EHMT2: variants seen among roughly 807,000 people sequenced by gnomAD.
EHMT2 encodes the protein histone-lysine N-methyltransferase EHMT2.
Under a neutral mutation model 143.3 loss-of-function variants are expected in EHMT2, and 59 were observed. The observed-to-expected ratio is 0.41, with a 90% confidence interval of 0.33 to 0.51. The LOEUF (loss-of-function observed/expected upper bound fraction) is 0.51. EHMT2 is among the 20% of genes least tolerant of loss of function. The pLI is 0.18. For missense variants in EHMT2, 1,174 were observed against 1,645.9 expected (o/e 0.71, Z 4.96); for synonymous variants, 604 against 651.5 (o/e 0.93, Z 1.11).
chr6:31,889,195 G>A lies in EHMT2; in HGVS notation c.1114+33C>T, dbSNP rs1765340364. The A allele has an allele frequency of 1.3e-6, 2 of 1,578,934 alleles. No individual in the cohort carries two copies. Among genetic ancestry groups the A allele is most frequent in the Non-Finnish European group, 1.7e-6 (2 of 1,162,586 alleles). On this transcript the variant is annotated intron_variant, in intron 9 of 27. Transcript: ENST00000375537. The surrounding 1 kb of genome is among the most constrained non-coding windows in gnomAD (Gnocchi z 5.1). ...CACTCTGGGGGGCCGGGCGGGGGCT[G>A]GAGGGCACCCAAAAGCAGCAGAGCC...
chr6:31,884,130 G>A lies in EHMT2; in HGVS notation c.2772-180C>T, dbSNP rs1764486321. The A allele has an allele frequency of 1.3e-6, 1 of 760,400 alleles. No individual in the cohort carries two copies. Among genetic ancestry groups the A allele is most frequent in the Non-Finnish European group, 2.1e-6 (1 of 487,120 alleles). The allele number at this position is 760,400 out of a possible 1,614,324, so 47.1% of individuals were successfully genotyped here. A position where few individuals can be genotyped will look rare whatever the true frequency, so the allele number is the denominator to read the frequency against. On this transcript the variant is annotated intron_variant, in intron 21 of 27. Transcript: ENST00000375537. This position sits in a 1 kb window ranked among gnomAD's most constrained non-coding sequence, Gnocchi z 7.3. The stretch of plus-strand genomic sequence containing the variant: ...TAGATAAACAAGAAATAGCTTTTTA[G>A]TATGTCCCAAAAATTACACAGGACA...
chr6:31,897,494 C>T, intron 1 of EHMT2, 142 bp downstream of exon 1: 1 of 573,368 alleles, frequency 1.7e-6, no homozygotes, highest in Non-Finnish European at 2.4e-6. Context: ...CCTCATCCGC[C>T]CCCGGTGCTG....
intron 1 of EHMT2, 144 bp from the exon 2 acceptor site, chr6:31,897,133 T>C: frequency 7.2e-7 from 1 of 1,389,342 alleles, no homozygotes; most frequent in Non-Finnish European, 9.3e-7. Flanking sequence ...CGGCCTCGGC[T>C]GCCCGGAGGG....
At chr6:31,886,375 G>A in intron 18 of EHMT2, 1 of 590,992 alleles carries the variant, frequency 1.7e-6, no homozygotes, top group Non-Finnish European at 3.0e-6. Flanking sequence ...GATTAAGACA[G>A]GAACTGATTA....
At chr6:31,897,086 G>A in intron 1 of EHMT2, 97 bp from the exon 2 acceptor site, 1 of 1,481,434 alleles carries the variant, frequency 6.8e-7, no homozygotes, top group African/African-American at 1.4e-5. Context: ...GTAGGCTCCG[G>A]GGCCTACCTC....
intron 4 of EHMT2, chr6:31,893,668 CA>C (rs1190973523): frequency 3.8e-6 from 1 of 264,452 alleles, no homozygotes; most frequent in East Asian, 9.7e-5. Flanking sequence ...GTATGCTGCC[CA>C]GGTGAAAGGA....
intron 4 of EHMT2, 132 bp downstream of exon 4, chr6:31,896,131 T>C: frequency 7.7e-7 from 1 of 1,305,146 alleles, no homozygotes; most frequent in Non-Finnish European, 1.1e-6. Flanking sequence ...AAGCACAGCC[T>C]AATATTTGAC....
Position 31,883,500 on chromosome 6 carries a change from G to T in EHMT2, c.2917-61C>A. ...GATCGGTCTGGGCCCCTCTACTCTT[G>T]ATGCCCCCTGACCCCCTAACCACTG... On this transcript the variant is annotated intron_variant, in intron 22 of 27. Coordinates refer to ENST00000375537, the Ensembl canonical transcript of EHMT2. This position sits in a 1 kb window ranked among gnomAD's most constrained non-coding sequence, Gnocchi z 5.6. The T allele has an allele frequency of 6.6e-7, 1 of 1,519,444 alleles. No homozygotes were observed. The highest frequency in any genetic ancestry group is 9.0e-7 in the Non-Finnish European group (1 of 1,110,378). 94.1% of individuals were successfully genotyped at this position (1,519,444 alleles called of 1,614,324 possible).
exon 14 of EHMT2, chr6:31,887,826 T>C (rs778395603): frequency 1.9e-6 from 3 of 1,609,190 alleles, no homozygotes; most frequent in Non-Finnish European, 2.5e-6. Context: ...CCTCCCGGCC[T>C]GGCCCCAGTG....
rs752463290 is a variant in EHMT2 at position 31,880,868 on chromosome 6, C to T, written c.3277-20G>A. ...TCCATCCTGGGGCAGGGGGATGGCA[C>T]TCTTCACATCTCCCCCGACCCTGCT... On this transcript the variant is annotated intron_variant, in intron 26 of 27. Coordinates refer to ENST00000375537, the Ensembl canonical transcript of EHMT2. The surrounding 1 kb of genome is among the most constrained non-coding windows in gnomAD (Gnocchi z 6.6). 6.2e-7 allele frequency: 1 copy of T among 1,612,722 alleles called. No homozygotes were observed. Among genetic ancestry groups the T allele is most frequent in the Non-Finnish European group, 8.5e-7 (1 of 1,179,416 alleles).
chr6:31,890,335 C>T lies in EHMT2; in HGVS notation c.865-733G>A, dbSNP rs1765522545. 2.0e-5 allele frequency among the ~76,000 whole-genome samples: 3 copies of T among 152,096 alleles called. No individual in the cohort carries two copies. The South Asian group carries it at 6.2e-4, about 32-fold the overall frequency. On this transcript the variant is annotated intron_variant, in intron 7 of 27. Transcript: ENST00000375537. The stretch of plus-strand genomic sequence containing the variant: ...GCAATGGTGTGATCTCAGCTCACTG[C>T]AACCTCCACCTCCTGGATTCAAGCA...
rs375746385 is a variant in EHMT2, at chr6:31,896,863, G to A, written c.110-39C>T. On this transcript the variant is annotated intron_variant, in intron 2 of 27. Coordinates refer to ENST00000375537, the Ensembl canonical transcript of EHMT2. ...GAAAAAGTTCAGAGCTAAGGGCTCA[G>A]GAGATCCTGTGTTTAGGGAAGGTGA... 67 of 1,612,430 alleles carry A rather than the reference G, an allele frequency of 4.2e-5. No homozygotes were observed. In the African/African-American group the frequency reaches 8.0e-4, roughly 19 times the overall value.
Position 31,880,498 on chromosome 6 carries a change from TG to T in EHMT2, c.3452+174del. The T allele has an allele frequency of 1.2e-6, 1 of 857,772 alleles. No individual in the cohort carries two copies. The highest frequency in any genetic ancestry group is 1.8e-6 in the Non-Finnish European group (1 of 570,764). 53.1% of individuals were successfully genotyped at this position (857,772 alleles called of 1,614,324 possible). On this transcript the variant is annotated intron_variant, in intron 27 of 27. Transcript: ENST00000375537. This position sits in a 1 kb window ranked among gnomAD's most constrained non-coding sequence, Gnocchi z 6.6. Reference sequence around the variant, plus strand: ...CAAGCCTACTGATTCAAAATCTCTCTGGGAGGCACAGGACTGTTTCCCCAAG... The same window carrying T: ...CAAGCCTACTGATTCAAAATCTCTCTGGAGGCACAGGACTGTTTCCCCAAG...
rs1765357046 is a variant in EHMT2 at position 31,889,279 on chromosome 6, G to A, written c.1063C>T (p.Pro355Ser). ...TCCCGCTTGCGCCGTTTCCGAGACG[G>A]CTTCACCCATGGGCTGTCTTTTCGC... The change falls in exon 9 of 28, where the codon CCG (proline) becomes TCG (serine). Residue 355 changes from proline to serine, a missense_variant. Physicochemically the swap from Pro to Ser is moderately conservative, Grantham distance 74. This residue lies in a region of EHMT2 where 608 missense variants were observed against 903.7 expected (regional missense o/e 0.67). Coordinates refer to ENST00000375537, the Ensembl canonical transcript of EHMT2. The surrounding 1 kb of genome is among the most constrained non-coding windows in gnomAD (Gnocchi z 5.1). 1.2e-6 allele frequency: 2 copies of A among 1,612,196 alleles called. No homozygotes were observed. The highest frequency in any genetic ancestry group is 1.7e-6 in the Non-Finnish European group (2 of 1,179,958).
At chr6:31,887,960 C>A in exon 14 of EHMT2, 1 of 1,590,450 alleles carries the variant, frequency 6.3e-7, no homozygotes, top group Non-Finnish European at 8.6e-7. Flanking sequence ...CGCATCCGGG[C>A]ACTGTGGAAG....
intron 18 of EHMT2, chr6:31,885,345 G>A: frequency 4.9e-6 from 1 of 204,444 alleles, no homozygotes. Context: ...GGGCGTGGTG[G>A]CAGGCGCCTG....
At position 31,888,057 on chromosome 6, in the gene EHMT2, C is replaced by G; in HGVS notation, c.1729G>C (p.Asp577His). The G allele has an allele frequency of 6.3e-7, 1 of 1,589,644 alleles. No homozygotes were observed. The highest frequency in any genetic ancestry group is 8.6e-7 in the Non-Finnish European group (1 of 1,168,574). The stretch of plus-strand genomic sequence containing the variant: ...GGCCAGTACCTGGGCTGAGAAGTGT[C>G]TGCTCTCCCGGGGACATCCTGGGAC... The change falls in exon 13 of 28, where the codon GAC becomes CAC. Residue 577 changes from aspartate to histidine, a missense_variant. This residue lies in a region of EHMT2 where 608 missense variants were observed against 903.7 expected (regional missense o/e 0.67). Coordinates refer to ENST00000375537, the Ensembl canonical transcript of EHMT2. This position sits in a 1 kb window ranked among gnomAD's most constrained non-coding sequence, Gnocchi z 7.4.
exon 15 of EHMT2, chr6:31,887,604 C>T (rs1765043939): frequency 3.1e-6 from 5 of 1,613,064 alleles, no homozygotes; most frequent in Non-Finnish European, 3.4e-6. Flanking sequence ...TTCTGCAGCT[C>T]GCCCTGCTTC....
In EHMT2 at chr6:31,880,144, G is replaced by C. The variant is rs532177466; in HGVS notation, c.3573C>G (p.Arg1191=). The C allele has an allele frequency of 5.6e-6, 9 of 1,612,970 alleles. No individual in the cohort carries two copies. In the African/African-American group the frequency reaches 1.2e-4, roughly 21 times the overall value. ...GCAGCAGCTCAGGGTGTGGGTCCAGGCGGGCCAGACGGCTCTGCTCCAGGG... is the reference window on the plus strand; with the variant it reads ...GCAGCAGCTCAGGGTGTGGGTCCAGCCGGGCCAGACGGCTCTGCTCCAGGG... Residue 1191 remains arginine (R), a synonymous_variant, in exon 28 of 28, where the codon CGC becomes CGG. Coordinates refer to ENST00000375537, the Ensembl canonical transcript of EHMT2. The surrounding 1 kb of genome is among the most constrained non-coding windows in gnomAD (Gnocchi z 6.6).
Sources: allele counts gnomAD v4.1 joint callset (sites outside exome capture counted in the v4.1 genomes callset), GRCh38; gene constraint gnomAD v4.1.1; regional missense constraint gnomAD v4.1.1; non-coding constraint Gnocchi (gnomAD v3.1); transcripts MANE v1.5; gene names NCBI Gene and HGNC (gene_info 2026-07-23, HGNC 2026-07-21).